CAMK1D: variants seen among roughly 807,000 people sequenced by gnomAD.
CAMK1D encodes the protein calcium/calmodulin dependent protein kinase ID, also known as calcium/calmodulin-dependent protein kinase type 1D.
Under a neutral mutation model 47.7 loss-of-function variants are expected in CAMK1D, and 9 were observed. That is an observed-to-expected ratio of 0.19 (90% CI 0.11 to 0.33). The LOEUF (loss-of-function observed/expected upper bound fraction) is 0.33. CAMK1D is among the 10% of genes least tolerant of loss of function. CAMK1D has a pLI of 1.00. For synonymous variants in CAMK1D, 184 were observed against 184.9 expected, an observed-to-expected ratio of 0.99 and a Z score of 0.04; for missense variants, 291 against 488.7, an observed-to-expected ratio of 0.60 and a Z score of 3.81.
chr10:12,755,336 A>T (rs2130888361), intron 3 of CAMK1D, among the ~76,000 whole-genome samples: 1 of 152,284 alleles, frequency 6.6e-6, no homozygotes, highest in Middle Eastern at 3.4e-3. Context: ...TTGTGGGAAG[A>T]GGGGAATCTC....
rs547894145 is a variant in CAMK1D at position 12,371,587 on chromosome 10, A to C, written c.92+21677A>C. Among the ~76,000 whole-genome samples the C allele has an allele frequency of 3.7e-3, 546 of 146,830 alleles. 1 individual carries two copies. The highest frequency in any genetic ancestry group is 0.013 in the African/African-American group (502 of 39,918). On this transcript the variant is annotated intron_variant, in intron 1 of 10. Transcript: ENST00000619168. ...CGAGACTGTCCCGAAAAAAAAAAAA[A>C]CCAAAAAAAAACAAAAAAAAACTTT...
At chr10:12,612,325 T>C (rs973788654) in intron 2 of CAMK1D, among the ~76,000 whole-genome samples, 5 of 149,228 alleles carry the variant, frequency 3.4e-5, no homozygotes, top group African/African-American at 7.4e-5. Flanking sequence ...AATTGGGCTT[T>C]AATTAATTAA....
At position 12,427,716 on chromosome 10, in the gene CAMK1D, T is replaced by TTTTTTTTTTTTTTTTTTTTTTTTTA. The variant is rs1840296701; in HGVS notation, c.92+77815_92+77816insTTTTTTTTTTTTTTTATTTTTTTTT. ...GAACTTACTGTTTTTTTTTTTTTTT[T>TTTTTTTTTTTTTTTTTTTTTTTTTA]TTTTTTTTTGAGACGGAGTCTTGCT... On this transcript the variant is annotated intron_variant, in intron 1 of 10. Transcript: ENST00000619168. 1.7e-5 allele frequency among the ~76,000 whole-genome samples: 2 copies of TTTTTTTTTTTTTTTTTTTTTTTTTA among 119,506 alleles called. 1 individual carries two copies. The highest frequency in any genetic ancestry group is 6.3e-5 in the African/African-American group (2 of 31,962). The allele number at this position is 119,506 out of a possible 152,430, so 78.4% of individuals were successfully genotyped here.
chr10:12,553,237 C>T lies in CAMK1D; in HGVS notation c.105C>T (p.Ser35=), dbSNP rs141516444. 76 of 1,614,098 alleles carry T rather than the reference C, an allele frequency of 4.7e-5. No homozygotes were observed. In the East Asian group the frequency reaches 7.6e-4, roughly 16 times the overall value. The change falls in exon 2 of 11, where the codon TCC becomes TCT. Residue 35 remains serine, a synonymous_variant. Transcript: ENST00000619168. ...FKETLGTGAF[S]EVVLAEEKAT... ...TCTTTGTTCACAGCGGGGCCTTTTC[C>T]GAAGTGGTTTTAGCTGAAGAGAAGG...
intron 2 of CAMK1D, among the ~76,000 whole-genome samples, chr10:12,633,537 C>T (rs981328469): frequency 1.3e-5 from 2 of 152,092 alleles, no homozygotes; most frequent in African/African-American, 4.8e-5. Flanking sequence ...TCCGAGGGCT[C>T]CGTGAAAACT....
intron 1 of CAMK1D, among the ~76,000 whole-genome samples, chr10:12,441,170 C>G (rs577738504): frequency 4.1e-4 from 63 of 152,332 alleles, no homozygotes; most frequent in South Asian, 1.7e-3. Context: ...TTTCTGAAGG[C>G]TCTCATGTCA....
intron 1 of CAMK1D, among the ~76,000 whole-genome samples, chr10:12,534,567 A>C (rs867206435): frequency 6.6e-6 from 1 of 152,206 alleles, no homozygotes; most frequent in Non-Finnish European, 1.5e-5. Context: ...GGCTTTCACC[A>C]TGCTGGCCAG....
Position 12,777,363 on chromosome 10 carries a change from C to CTTT in CAMK1D, c.565+7588_565+7590dup, listed in dbSNP as rs869192068. 2.9e-4 allele frequency among the ~76,000 whole-genome samples: 26 copies of CTTT among 88,552 alleles called. 1 individual carries two copies. Among genetic ancestry groups the CTTT allele is most frequent in the African/African-American group, 3.4e-4 (8 of 23,376 alleles). 58.1% of individuals were successfully genotyped at this position (88,552 alleles called of 152,430 possible). Reference sequence around the variant, plus strand: ...CAAGTAAGATGAGGATTTGGTTGAACTTTTTTTTTTTTTTTTTTTTTTTTT... The same window carrying CTTT: ...CAAGTAAGATGAGGATTTGGTTGAACTTTTTTTTTTTTTTTTTTTTTTTTTTTT... On this transcript the variant is annotated intron_variant, in intron 5 of 10. Transcript: ENST00000619168.
intron 1 of CAMK1D, among the ~76,000 whole-genome samples, chr10:12,480,398 G>A (rs1034906737): frequency 4.6e-5 from 7 of 152,068 alleles, no homozygotes; most frequent in Non-Finnish European, 8.8e-5. Context: ...TCGCGCCACT[G>A]CACTCCAGCT....
chr10:12,383,349 G>A (rs1031052839), intron 1 of CAMK1D, among the ~76,000 whole-genome samples: 1 of 151,984 alleles, frequency 6.6e-6, no homozygotes, highest in African/African-American at 2.4e-5. Context: ...AGGGAATGTC[G>A]AAGCAGGAAA....
At chr10:12,422,596 T>G (rs968776112) in intron 1 of CAMK1D, among the ~76,000 whole-genome samples, 1 of 152,032 alleles carries the variant, frequency 6.6e-6, no homozygotes, top group African/African-American at 2.4e-5. Context: ...TGTAGAGAAA[T>G]GGAAAGCAGG....
intron 2 of CAMK1D, among the ~76,000 whole-genome samples, chr10:12,664,437 G>A (rs1200669664): frequency 6.6e-6 from 1 of 151,676 alleles, no homozygotes. Flanking sequence ...CAGGTTAATA[G>A]GCTTTAATTC....
intron 1 of CAMK1D, among the ~76,000 whole-genome samples, chr10:12,502,334 C>A (rs190726047): frequency 2.4e-4 from 37 of 152,278 alleles, no homozygotes; most frequent in Admixed American, 2.2e-3. Context: ...CGGTGATGTA[C>A]CGTGCAAGCT....
At chr10:12,387,384 T>C (rs1201701017) in intron 1 of CAMK1D, among the ~76,000 whole-genome samples, 1 of 31,980 alleles carries the variant, frequency 3.1e-5, no homozygotes, top group African/African-American at 5.3e-5. Flanking sequence ...TTATATATTA[T>C]ATATATTATA....
rs113620197 is a variant in CAMK1D, at chr10:12,451,555, T to G, written c.92+101645T>G. 1.9e-3 allele frequency among the ~76,000 whole-genome samples: 290 copies of G among 152,310 alleles called. 3 individuals carry two copies. The highest frequency in any genetic ancestry group is 6.6e-3 in the African/African-American group (276 of 41,560). On this transcript the variant is annotated intron_variant, in intron 1 of 10. Coordinates refer to ENST00000619168, the MANE Select transcript of CAMK1D (RefSeq NM_153498.4). Reference sequence around the variant, plus strand: ...GTCTCAGCTTCACAGACTAATTTATTTAGAGGGGGCGAGAGAAATGAGATA... The same window carrying G: ...GTCTCAGCTTCACAGACTAATTTATGTAGAGGGGGCGAGAGAAATGAGATA...
intron 1 of CAMK1D, among the ~76,000 whole-genome samples, chr10:12,454,345 G>A (rs1833178550): frequency 6.6e-6 from 1 of 151,036 alleles, no homozygotes. Flanking sequence ...TGTACTTTTA[G>A]TAGAGACGGG....
intron 2 of CAMK1D, among the ~76,000 whole-genome samples, chr10:12,556,032 G>A (rs1192114241): frequency 6.6e-6 from 1 of 152,194 alleles, no homozygotes; most frequent in Non-Finnish European, 1.5e-5. Context: ...TAGTTGTTCA[G>A]TATCCGCTGC....
At chr10:12,411,373 G>A (rs1244706581) in intron 1 of CAMK1D, among the ~76,000 whole-genome samples, 1 of 152,204 alleles carries the variant, frequency 6.6e-6, no homozygotes, top group Non-Finnish European at 1.5e-5. Flanking sequence ...AGCAGAAGCA[G>A]CTCCCTGATC....
intron 1 of CAMK1D, among the ~76,000 whole-genome samples, chr10:12,408,606 C>T (rs923864556): frequency 2.6e-5 from 4 of 151,966 alleles, no homozygotes; most frequent in South Asian, 2.1e-4. Context: ...TTCCAGTGCA[C>T]GTTGTGTGGG....
Sources: gnomAD v4.1 joint callset for allele counts (sites outside exome capture counted in the v4.1 genomes callset) on GRCh38, gnomAD v4.1.1 for gene constraint, MANE v1.5 for transcripts, NCBI Gene and HGNC (gene_info 2026-07-23, HGNC 2026-07-21) for gene names.